KANK1: variants seen among roughly 807,000 people sequenced by gnomAD.
KANK1 encodes KN motif and ankyrin repeat domains 1, also known as KN motif and ankyrin repeat domain-containing protein 1.
A neutral mutation model predicts 106.2 loss-of-function variants in KANK1; 109 were observed. That is an observed-to-expected ratio of 1.03 (90% confidence interval 0.88 to 1.20). The LOEUF is 1.20. Ranked by LOEUF, KANK1 falls within the 50% of genes most tolerant of loss-of-function variation. The pLI is 0.00. For synonymous variants in KANK1, 873 were observed against 652.2 expected, an observed-to-expected ratio of 1.34 and a Z score of -5.16; for missense variants, 2,399 against 1,710.7, an observed-to-expected ratio of 1.40 and a Z score of -7.10.
At chr9:586,799 T>C (rs1823583477) in intron 1 of KANK1, among the ~76,000 whole-genome samples, 1 of 152,154 alleles carries the variant, frequency 6.6e-6, no homozygotes, top group African/African-American at 2.4e-5. Flanking sequence ...AGCTAGCCTT[T>C]ACCTAAAGCA....
chr9:474,228 A>G (rs1457889865), intron 3 of KANK1, among the ~76,000 whole-genome samples: 9 of 152,192 alleles, frequency 5.9e-5, no homozygotes, highest in Admixed American at 6.5e-5. Flanking sequence ...CATTGAGTCT[A>G]AATGCTGTTG....
chr9:504,519 C>G (rs960773670), upstream of KANK1, among the ~76,000 whole-genome samples: 4 of 151,556 alleles, frequency 2.6e-5, no homozygotes, highest in Non-Finnish European at 5.9e-5. Flanking sequence ...CGCCGGCCCG[C>G]GCCGTTCTTC....
At chr9:693,410 G>C in intron 2 of KANK1, 1 of 985,386 alleles carries the variant, frequency 1.0e-6, no homozygotes, top group Non-Finnish European at 1.2e-6. Flanking sequence ...CTGCCTTTCT[G>C]ATTTCTTCCT....
chr9:642,485 T>C lies in KANK1; in HGVS notation c.-83-34405T>C, dbSNP rs904418855. ...TGGCAGGCCTGGTTTTGAACAAGTG[T>C]TTGATTTTGCTAATCTTGGTAGTGC... On this transcript the variant is annotated intron_variant, in intron 1 of 11. Coordinates refer to ENST00000382297, the MANE Select transcript of KANK1 (RefSeq NM_015158.5). Among the ~76,000 whole-genome samples, 29 of 151,192 alleles carry C rather than the reference T, an allele frequency of 1.9e-4. 3 individuals carry two copies. The highest frequency in any genetic ancestry group is 6.4e-4 in the African/African-American group (26 of 40,460).
intron 1 of KANK1, among the ~76,000 whole-genome samples, chr9:541,272 C>G (rs116919466): frequency 1.1e-4 from 16 of 152,142 alleles, no homozygotes; most frequent in Non-Finnish European, 2.2e-4. Context: ...AGAAATAATT[C>G]ATATTTACAG....
intron 1 of KANK1, among the ~76,000 whole-genome samples, chr9:634,384 C>T (rs920926439): frequency 2.0e-5 from 3 of 152,186 alleles, no homozygotes; most frequent in African/African-American, 7.2e-5. Context: ...GGTGGGGTCA[C>T]TCGGTTGCCT....
Position 493,117 on chromosome 9 carries a change from T to C in KANK1, c.-362+19844T>C, listed in dbSNP as rs186097984. ...AATATTCACATCCTTGTACAGTCCC[T>C]TCCCATATTGTACCAGGGTTGGTTT... On this transcript the variant is annotated intron_variant, in intron 3 of 15. Transcript: ENST00000382303. Among the ~76,000 whole-genome samples, 117 of 152,094 alleles carry C rather than the reference T, an allele frequency of 7.7e-4. 1 individual carries two copies. Among genetic ancestry groups the C allele is most frequent in the Non-Finnish European group, 1.3e-3 (88 of 67,980 alleles).
At chr9:598,197 G>T (rs1194758423) in intron 1 of KANK1, among the ~76,000 whole-genome samples, 4 of 151,456 alleles carry the variant, frequency 2.6e-5, no homozygotes, top group Non-Finnish European at 5.9e-5. Flanking sequence ...TTTATTTCTG[G>T]ACTCTTTTTT....
At chr9:550,548 C>G (rs1357086662) in intron 1 of KANK1, among the ~76,000 whole-genome samples, 1 of 152,104 alleles carries the variant, frequency 6.6e-6, no homozygotes, top group East Asian at 1.9e-4. Flanking sequence ...AGTTTGAGGC[C>G]GCAATGAGTT....
intron 1 of KANK1, among the ~76,000 whole-genome samples, chr9:583,312 G>A (rs746308152): frequency 6.6e-5 from 10 of 152,176 alleles, no homozygotes; most frequent in Non-Finnish European, 1.5e-4. Flanking sequence ...TGCCTGCCTA[G>A]TAGGTTCATC....
At chr9:614,486 T>C (rs1218465473) in intron 1 of KANK1, among the ~76,000 whole-genome samples, 1 of 152,222 alleles carries the variant, frequency 6.6e-6, no homozygotes, top group Middle Eastern at 3.2e-3. Flanking sequence ...ATATCTTGGC[T>C]GACACTGATC....
intron 7 of KANK1, 128 bp downstream of exon 7, chr9:734,963 A>C (rs907624418): frequency 2.9e-6 from 2 of 682,744 alleles, no homozygotes; most frequent in Non-Finnish European, 5.2e-6. Context: ...TTCCAGCATG[A>C]GTGGGCTGGG....
chr9:556,101 C>T (rs1050097680), intron 1 of KANK1, among the ~76,000 whole-genome samples: 14 of 152,048 alleles, frequency 9.2e-5, no homozygotes, highest in Admixed American at 5.2e-4. Context: ...TTGGCTCTAC[C>T]TTGGGGGGAA....
At chr9:497,319 G>C (rs1321917888) in intron 3 of KANK1, among the ~76,000 whole-genome samples, 1 of 152,158 alleles carries the variant, frequency 6.6e-6, no homozygotes, top group Admixed American at 6.5e-5. Flanking sequence ...CAAGGTTGGC[G>C]TTGGAAAGGA....
At chr9:656,889 A>G (rs1487581348) in intron 1 of KANK1, among the ~76,000 whole-genome samples, 1 of 149,570 alleles carries the variant, frequency 6.7e-6, no homozygotes, top group Non-Finnish European at 1.5e-5. Context: ...CTTTTTTTTT[A>G]TTGTGGTGAA....
At chr9:625,603 G>A (rs1427280152) in intron 1 of KANK1, among the ~76,000 whole-genome samples, 1 of 151,924 alleles carries the variant, frequency 6.6e-6, no homozygotes, top group Admixed American at 6.6e-5. Context: ...AAACAACATT[G>A]AGATCACTCT....
chr9:659,339 T>G (rs932718771), intron 1 of KANK1, among the ~76,000 whole-genome samples: 6 of 152,288 alleles, frequency 3.9e-5, no homozygotes, highest in African/African-American at 1.4e-4. Context: ...TTTTGAGAAC[T>G]TTTGGCCTAC....
At chr9:496,356 C>A (rs998954154) in intron 3 of KANK1, among the ~76,000 whole-genome samples, 1 of 152,152 alleles carries the variant, frequency 6.6e-6, no homozygotes, top group Admixed American at 6.5e-5. Context: ...GAGTTCCAGA[C>A]CAGCCTGGCC....
chr9:598,609 T>C (rs1244014063), intron 1 of KANK1, among the ~76,000 whole-genome samples: 5 of 146,580 alleles, frequency 3.4e-5, no homozygotes, highest in Non-Finnish European at 7.4e-5. Flanking sequence ...TTGTTTTGTT[T>C]TGTTGGTTTT....
Sources: allele counts gnomAD v4.1 joint callset (sites outside exome capture counted in the v4.1 genomes callset), GRCh38; gene constraint gnomAD v4.1.1; transcripts MANE v1.5; gene names NCBI Gene and HGNC (gene_info 2026-07-23, HGNC 2026-07-21).